The following CSMD1 variants were observed in gnomAD, a reference collection of about 807,000 sequenced individuals.
CSMD1 encodes the protein CUB and sushi domain-containing protein 1.
Under a neutral mutation model 417.5 loss-of-function variants are expected in CSMD1, and 213 were observed. The observed-to-expected ratio is 0.51, with a 90% CI of 0.46 to 0.57. The LOEUF (loss-of-function observed/expected upper bound fraction) is 0.57, where lower values mean the gene tolerates loss of function less well. Ranked by LOEUF, CSMD1 falls within the 20% of genes least tolerant of loss-of-function variation. The pLI is 0.00. For synonymous variants in CSMD1, 2,862 were observed against 1,736.8 expected, an observed-to-expected ratio of 1.65 and a Z score of -16.11; for missense variants, 6,923 against 4,529.7, an observed-to-expected ratio of 1.53 and a Z score of -15.17.
intron 5 of CSMD1, among the ~76,000 whole-genome samples, chr8:3,794,930 C>A (rs1024078214): frequency 2.6e-5 from 4 of 151,208 alleles, no homozygotes; most frequent in Admixed American, 2.0e-4. Flanking sequence ...CTTTTCTAAC[C>A]TTCTAATGTA....
intron 3 of CSMD1, among the ~76,000 whole-genome samples, chr8:4,251,617 G>C (rs1321493729): frequency 6.6e-6 from 1 of 152,150 alleles, no homozygotes; most frequent in Non-Finnish European, 1.5e-5. Flanking sequence ...TTCATGTCTG[G>C]ATATTACACA....
At chr8:4,660,349 C>A (rs1228474297) in intron 1 of CSMD1, among the ~76,000 whole-genome samples, 2 of 149,028 alleles carry the variant, frequency 1.3e-5, no homozygotes, top group Non-Finnish European at 2.9e-5. Context: ...TAGCAAAACA[C>A]ATACAGGATG....
chr8:3,515,992 A>C (rs1797267339), intron 10 of CSMD1, among the ~76,000 whole-genome samples: 2 of 152,218 alleles, frequency 1.3e-5, no homozygotes, highest in African/African-American at 4.8e-5. Flanking sequence ...CTAAAGGTTT[A>C]AAATTAGTAA....
chr8:3,708,274 C>G (rs1801292555), intron 7 of CSMD1, 140 bp downstream of exon 7: 1 of 675,016 alleles, frequency 1.5e-6, no homozygotes. Context: ...TTCTTTCTCC[C>G]AGAAAATACT....
intron 5 of CSMD1, among the ~76,000 whole-genome samples, chr8:3,984,740 TATA>T (rs1814185094): frequency 8.0e-6 from 1 of 125,580 alleles, no homozygotes; most frequent in African/African-American, 3.1e-5. Flanking sequence ...TATATATATA[TATA>T]TATATATATT....
chr8:3,390,354 C>CAAAAA (rs35292914), intron 17 of CSMD1, among the ~76,000 whole-genome samples: 2 of 64,258 alleles, frequency 3.1e-5, no homozygotes, highest in Non-Finnish European at 5.3e-5. Context: ...GACTCTGTCT[C>CAAAAA]AAAAAAAAAA....
intron 5 of CSMD1, among the ~76,000 whole-genome samples, chr8:3,790,191 T>C (rs374239527): frequency 6.6e-6 from 1 of 152,238 alleles, no homozygotes; most frequent in Admixed American, 6.5e-5. Flanking sequence ...AGAACTCTTT[T>C]GCATCTAGTG....
At position 4,094,373 on chromosome 8, in the gene CSMD1, G is replaced by A. The variant is rs1017567632; in HGVS notation, c.416-62274C>T. Among the ~76,000 whole-genome samples the A allele has an allele frequency of 5.9e-5, 9 of 152,166 alleles. 1 individual carries two copies. The South Asian group carries it at 1.7e-3, about 28-fold the overall frequency. On this transcript the variant is annotated intron_variant, in intron 3 of 69. Transcript: ENST00000635120. ...GGACTCATGGGTAACAGAGGAAAGA[G>A]TGGGTCATATTTAGTTTTGAGAACT...
intron 10 of CSMD1, among the ~76,000 whole-genome samples, chr8:3,496,794 C>T (rs994047628): frequency 3.3e-5 from 5 of 152,078 alleles, no homozygotes; most frequent in African/African-American, 7.2e-5. Context: ...ACCGCCACTG[C>T]ACTCCAACCT....
At chr8:2,986,079 G>C (rs1053813417) in intron 54 of CSMD1, among the ~76,000 whole-genome samples, 3 of 145,030 alleles carry the variant, frequency 2.1e-5, no homozygotes, top group African/African-American at 8.4e-5. Flanking sequence ...AAGGGAGGGA[G>C]GGACTGATAA....
chr8:3,086,134 G>C (rs970876307), intron 49 of CSMD1, among the ~76,000 whole-genome samples: 1 of 151,822 alleles, frequency 6.6e-6, no homozygotes, highest in Non-Finnish European at 1.5e-5. Context: ...CAGAGTCATA[G>C]AACATTTAAA....
chr8:4,854,624 C>A (rs1449613037), intron 1 of CSMD1, among the ~76,000 whole-genome samples: 1 of 151,978 alleles, frequency 6.6e-6, no homozygotes, highest in Non-Finnish European at 1.5e-5. Context: ...TCAGGGAGTT[C>A]CCTTTCTGAG....
chr8:4,835,789 C>G (rs1284051610), intron 1 of CSMD1, among the ~76,000 whole-genome samples: 1 of 151,652 alleles, frequency 6.6e-6, no homozygotes, highest in Non-Finnish European at 1.5e-5. Flanking sequence ...GAGTAATTCT[C>G]AACAGTGTTA....
intron 3 of CSMD1, among the ~76,000 whole-genome samples, chr8:4,366,531 G>C (rs533427499): frequency 1.0e-3 from 159 of 152,146 alleles, no homozygotes; most frequent in African/African-American, 3.8e-3. Flanking sequence ...TAATTAATTT[G>C]CATTCCACTC....
chr8:3,234,709 A>T (rs1482683103), intron 26 of CSMD1, among the ~76,000 whole-genome samples: 2 of 152,254 alleles, frequency 1.3e-5, no homozygotes, highest in Admixed American at 1.3e-4. Flanking sequence ...ACTTACAGTT[A>T]GAAAGTCACG....
intron 1 of CSMD1, among the ~76,000 whole-genome samples, chr8:4,847,449 T>C (rs1242910758): frequency 6.6e-6 from 1 of 152,118 alleles, no homozygotes; most frequent in Admixed American, 6.5e-5. Context: ...ATTGTGTAGA[T>C]TGTACAGAGA....
intron 3 of CSMD1, among the ~76,000 whole-genome samples, chr8:4,340,774 C>G (rs1386803637): frequency 6.6e-6 from 1 of 152,074 alleles, no homozygotes; most frequent in Non-Finnish European, 1.5e-5. Flanking sequence ...GTCAAGCAAA[C>G]TCATAATGGT....
chr8:4,254,547 A>T (rs1213354190), intron 3 of CSMD1, among the ~76,000 whole-genome samples: 1 of 152,174 alleles, frequency 6.6e-6, no homozygotes, highest in Admixed American at 6.5e-5. Context: ...TATGAAGACT[A>T]CAGTAGTGTA....
intron 49 of CSMD1, among the ~76,000 whole-genome samples, chr8:3,065,303 G>GTAGATAGA (rs78833976): frequency 5.4e-5 from 8 of 149,384 alleles, no homozygotes; most frequent in South Asian, 4.2e-4. Context: ...AGATAGATAG[G>GTAGATAGA]TAGATAGATA....
Sources: allele counts gnomAD v4.1 joint callset (sites outside exome capture counted in the v4.1 genomes callset), GRCh38; gene constraint gnomAD v4.1.1; transcripts MANE v1.5; gene names NCBI Gene and HGNC (gene_info 2026-07-23, HGNC 2026-07-21).